The following ZNF83 variants were observed in gnomAD, a reference collection of about 807,000 sequenced individuals.
ZNF83 encodes the protein zinc finger protein 83, also known as zinc finger protein 816B.
For synonymous variants in ZNF83, 209 were observed against 213.0 expected, an observed-to-expected ratio of 0.98 and a Z score of 0.17; for missense variants, 552 against 629.9, an observed-to-expected ratio of 0.88 and a Z score of 1.32.
rs67835464 is a variant in ZNF83 at position 52,677,306 on chromosome 19, TAAAAAAAAAA to T, written c.-283+13127_-283+13136del. Among the ~76,000 whole-genome samples the T allele has an allele frequency of 9.1e-4, 97 of 106,464 alleles. 1 individual carries two copies. The highest frequency in any genetic ancestry group is 7.4e-3 in the Admixed American group (66 of 8,950). The allele number at this position is 106,464 out of a possible 152,430, so 69.8% of individuals were successfully genotyped here. The stretch of plus-strand genomic sequence containing the variant: ...TATTAAAGACAGACAAATTGAGAAG[TAAAAAAAAAA>T]AAAAAAAAAAAAAACAAAAATTAGC... On this transcript the variant is annotated intron_variant, in intron 1 of 5. Transcript: ENST00000594682.
chr19:52,686,993 C>T (rs1000805681), intron 1 of ZNF83, among the ~76,000 whole-genome samples: 1 of 151,804 alleles, frequency 6.6e-6, no homozygotes, highest in African/African-American at 2.4e-5. Context: ...ACCAGCCTCT[C>T]TAACATGGAG....
chr19:52,618,697 A>AGCTT, intron 2 of ZNF83: 2 of 733,484 alleles, frequency 2.7e-6, no homozygotes, highest in Non-Finnish European at 4.1e-6. Flanking sequence ...ACGCCTTGCC[A>AGCTT]GCCATAAGGT....
upstream of ZNF83, among the ~76,000 whole-genome samples, chr19:52,639,092 G>A (rs570998148): frequency 6.6e-6 from 1 of 152,138 alleles, no homozygotes; most frequent in Non-Finnish European, 1.5e-5. Flanking sequence ...TTGTGTAAGA[G>A]ATCTATCAGT....
rs61656558 is a variant in ZNF83 at position 52,652,101 on chromosome 19, C to A, written c.-74+3460G>T. ...CTATTCCATTTGTAAGATTTCTGTC[C>A]AGTATAGATTCCCTGATGTCTAATG... On this transcript the variant is annotated intron_variant, in intron 3 of 5. Transcript: ENST00000594682. 2.1e-5 allele frequency: 5 copies of A among 237,230 alleles called. No homozygotes were observed. In the South Asian group the frequency reaches 2.5e-4, roughly 12 times the overall value. The allele number at this position is 237,230 out of a possible 1,614,324, so 14.7% of individuals were successfully genotyped here.
chr19:52,624,170 C>T (rs1477079610), intron 2 of ZNF83, among the ~76,000 whole-genome samples: 1 of 152,174 alleles, frequency 6.6e-6, no homozygotes, highest in African/African-American at 2.4e-5. Flanking sequence ...TCCTCTGCTT[C>T]CTACCTTATT....
At chr19:52,627,974 C>T (rs1389774086) in intron 2 of ZNF83, among the ~76,000 whole-genome samples, 3 of 152,106 alleles carry the variant, frequency 2.0e-5, no homozygotes, top group Non-Finnish European at 2.9e-5. Context: ...CATCCTGGCT[C>T]AAAAGCTCCC....
intron 2 of ZNF83, among the ~76,000 whole-genome samples, chr19:52,620,690 C>A (rs2060510456): frequency 6.6e-6 from 1 of 152,226 alleles, no homozygotes; most frequent in South Asian, 2.1e-4. Flanking sequence ...AGGCGTCAGG[C>A]CTCTGAGCCC....
At chr19:52,619,919 A>T (rs934671285) in intron 2 of ZNF83, among the ~76,000 whole-genome samples, 1 of 152,090 alleles carries the variant, frequency 6.6e-6, no homozygotes, top group Non-Finnish European at 1.5e-5. Flanking sequence ...GCATGGTGGC[A>T]GGCATCTGTG....
chr19:52,632,311 C>T (rs1034632019), intron 2 of ZNF83, among the ~76,000 whole-genome samples: 1 of 152,194 alleles, frequency 6.6e-6, no homozygotes, highest in African/African-American at 2.4e-5. Flanking sequence ...CCAAGCTCAG[C>T]CACCAACTTA....
intron 3 of ZNF83, among the ~76,000 whole-genome samples, chr19:52,646,300 T>C (rs1568561086): frequency 6.6e-6 from 1 of 152,100 alleles, no homozygotes; most frequent in Non-Finnish European, 1.5e-5. Context: ...ATGCTGGTAC[T>C]TTGAGGGTCC....
At chr19:52,656,243 C>T (rs919117446) in intron 2 of ZNF83, among the ~76,000 whole-genome samples, 2 of 150,656 alleles carry the variant, frequency 1.3e-5, no homozygotes, top group African/African-American at 4.9e-5. Flanking sequence ...TATATATAGC[C>T]AGGCATGGGG....
At chr19:52,633,694 T>G (rs1252669769) in intron 2 of ZNF83, among the ~76,000 whole-genome samples, 2 of 152,174 alleles carry the variant, frequency 1.3e-5, no homozygotes, top group Non-Finnish European at 2.9e-5. Flanking sequence ...GCGGATCACC[T>G]GAGGTCGGGA....
chr19:52,660,060 G>A (rs2147276038), intron 2 of ZNF83, among the ~76,000 whole-genome samples: 1 of 152,176 alleles, frequency 6.6e-6, no homozygotes, highest in South Asian at 2.1e-4. Flanking sequence ...GTGTGGTGGT[G>A]TGCGACTGTA....
At chr19:52,656,459 A>G (rs1206708441) in intron 2 of ZNF83, among the ~76,000 whole-genome samples, 1 of 152,116 alleles carries the variant, frequency 6.6e-6, no homozygotes, top group Non-Finnish European at 1.5e-5. Context: ...CTGGAGGCAG[A>G]GGTTGTGGTA....
intron 2 of ZNF83, among the ~76,000 whole-genome samples, chr19:52,619,742 C>T (rs1445662560): frequency 6.6e-6 from 1 of 152,096 alleles, no homozygotes; most frequent in Non-Finnish European, 1.5e-5. Flanking sequence ...AGTGAAATAG[C>T]CGGGCTCAAT....
rs1354320411 is a variant in ZNF83, at chr19:52,666,919, GAA to G, written c.-282-6078_-282-6077del. Among the ~76,000 whole-genome samples, 3 of 152,288 alleles carry G rather than the reference GAA, an allele frequency of 2.0e-5. No individual in the cohort carries two copies. In the East Asian group the frequency reaches 5.8e-4, roughly 29 times the overall value. On this transcript the variant is annotated intron_variant, in intron 1 of 5. Transcript: ENST00000594682. ...GAAACTCTTGCAGAAGCAGAGTTAGGAAAATTGCCTAATAATTGGACTGCTGA... is the reference window on the plus strand; with the variant it reads ...GAAACTCTTGCAGAAGCAGAGTTAGGAATTGCCTAATAATTGGACTGCTGA...
intron 2 of ZNF83, chr19:52,617,872 GTTTTCTAGATCCCCAGCCCTAT>G (rs1173828448): frequency 6.6e-6 from 1 of 152,456 alleles, no homozygotes; most frequent in Non-Finnish European, 1.5e-5. Context: ...CATGTTGGAA[GTTTTCTAGATCCCCAGCCCTAT>G]GTTTCTGTAG....
At chr19:52,638,103 C>T (rs1231179265) in intron 1 of ZNF83, among the ~76,000 whole-genome samples, 1 of 152,134 alleles carries the variant, frequency 6.6e-6, no homozygotes, top group Non-Finnish European at 1.5e-5. Context: ...TATACATCGC[C>T]CTACAGCAGA....
At chr19:52,613,242 G>A (rs1263470275) in exon 3 of ZNF83, 3 of 1,613,452 alleles carry the variant, frequency 1.9e-6, no homozygotes, top group Admixed American at 3.3e-5. Context: ...CTAGGGATGA[G>A]TTTAGACCGA....
Sources: gnomAD v4.1 joint callset for allele counts (sites outside exome capture counted in the v4.1 genomes callset) on GRCh38, gnomAD v4.1.1 for gene constraint, MANE v1.5 for transcripts, NCBI Gene and HGNC (gene_info 2026-07-23, HGNC 2026-07-21) for gene names.